SLIT3: variants seen among roughly 807,000 people sequenced by gnomAD.
The protein encoded by SLIT3 is slit homolog 3 protein.
A neutral mutation model predicts 184.0 loss-of-function variants in SLIT3; 68 were observed. The observed-to-expected ratio is 0.37, with a 90% confidence interval of 0.30 to 0.45. The LOEUF (loss-of-function observed/expected upper bound fraction) is 0.45. Among genes scored for constraint, SLIT3 ranks in the 20% least tolerant of loss-of-function variants. SLIT3 has a pLI of 1.00. For synonymous variants in SLIT3, 831 were observed against 828.6 expected, an observed-to-expected ratio of 1.00 and a Z score of -0.05; for missense variants, 1,707 against 2,026.0, an observed-to-expected ratio of 0.84 and a Z score of 3.02.
intron 3 of SLIT3, among the ~76,000 whole-genome samples, chr5:169,221,620 G>T (rs1764621450): frequency 6.6e-6 from 1 of 152,136 alleles, no homozygotes; most frequent in Non-Finnish European, 1.5e-5. Flanking sequence ...AAGGGTGGGT[G>T]GTCACTACCC....
At position 168,736,251 on chromosome 5, in the gene SLIT3, G is replaced by A. The variant is rs189780516; in HGVS notation, c.2271-11767C>T. ...TCGGCCTGTGCTCAGGCCACCCACA[G>A]CCCCTCCCATAGATGGCTGTCACTG... On this transcript the variant is annotated intron_variant, in intron 20 of 35. Transcript: ENST00000519560. Among the ~76,000 whole-genome samples, 68 of 152,332 alleles carry A rather than the reference G, an allele frequency of 4.5e-4. No individual in the cohort carries two copies. In the East Asian group the frequency reaches 0.013, roughly 29 times the overall value.
At position 168,740,691 on chromosome 5, in the gene SLIT3, CCTTCCTCGGTGCA is replaced by C. The variant is rs1763602267; in HGVS notation, c.2270+7598_2270+7610del. Reference sequence around the variant, plus strand: ...GGTTTGGGGAAAGAAGTGAGGGCTGCCTTCCTCGGTGCACTTTGGAAGCCATGCCTGGCCAAGG... The same window carrying C: ...GGTTTGGGGAAAGAAGTGAGGGCTGCCTTTGGAAGCCATGCCTGGCCAAGG... On this transcript the variant is annotated intron_variant, in intron 20 of 35. Transcript: ENST00000519560. 2.6e-5 allele frequency among the ~76,000 whole-genome samples: 4 copies of C among 152,226 alleles called. No homozygotes were observed. In the South Asian group the frequency reaches 8.3e-4, roughly 32 times the overall value.
chr5:168,673,830 T>C (rs1761328357), intron 32 of SLIT3, among the ~76,000 whole-genome samples: 2 of 152,230 alleles, frequency 1.3e-5, no homozygotes, highest in African/African-American at 4.8e-5. Flanking sequence ...GGTATTGCAT[T>C]TGGCTATCAT....
rs953727586 is a variant in SLIT3, at chr5:168,665,383, T to C, written c.*1071A>G. The C allele has an allele frequency of 2.0e-5, 3 of 152,254 alleles. No homozygotes were observed. Among genetic ancestry groups the C allele is most frequent in the Non-Finnish European group, 2.9e-5 (2 of 68,062 alleles). The allele number at this position is 152,254 out of a possible 1,614,324, so 9.4% of individuals were successfully genotyped here. On this transcript the variant is annotated 3_prime_UTR_variant, in exon 36 of 36. Coordinates refer to ENST00000519560, the MANE Select transcript of SLIT3 (RefSeq NM_003062.4). ...CAAGAACCTTCCAGAGTTGGACATC[T>C]AGCGCTGTGGGCAGACTTGACTTGG...
chr5:169,095,791 C>T (rs750779550), intron 4 of SLIT3, among the ~76,000 whole-genome samples: 2 of 152,310 alleles, frequency 1.3e-5, no homozygotes, highest in Admixed American at 6.5e-5. Context: ...GGTTCCTTGA[C>T]ATCTCGTTCC....
intron 4 of SLIT3, among the ~76,000 whole-genome samples, chr5:168,952,528 C>CAAAAAAAAAAAAAAA (rs372134778): frequency 2.7e-4 from 21 of 77,928 alleles, no homozygotes; most frequent in African/African-American, 1.2e-3. Context: ...GGGAAAATGC[C>CAAAAAAAAAAAAAAA]AAAAAAAAAA....
chr5:168,844,875 C>T (rs1365798744), intron 5 of SLIT3: 6 of 436,900 alleles, frequency 1.4e-5, no homozygotes, highest in African/African-American at 2.1e-5. Flanking sequence ...GCTGTCAGGT[C>T]TCAGTAAATA....
intron 4 of SLIT3, among the ~76,000 whole-genome samples, chr5:168,885,301 G>A (rs953326035): frequency 2.6e-5 from 4 of 152,144 alleles, no homozygotes; most frequent in African/African-American, 7.2e-5. Flanking sequence ...GTCTGCAACC[G>A]ATGTAAGTAA....
At position 169,251,236 on chromosome 5, in the gene SLIT3, T is replaced by A. The variant is rs542942877; in HGVS notation, c.269+152A>T. 3 of 637,538 alleles carry A rather than the reference T, an allele frequency of 4.7e-6. No homozygotes were observed. The East Asian group carries it at 8.0e-5, about 17-fold the overall frequency. 39.5% of individuals were successfully genotyped at this position (637,538 alleles called of 1,614,324 possible). On this transcript the variant is annotated intron_variant, in intron 2 of 35. Transcript: ENST00000519560. Reference sequence around the variant, plus strand: ...ACACAGAATGTGATACCTGTAAGCATGTGGGTACGCTAACGAGGGGCTTTC... The same window carrying A: ...ACACAGAATGTGATACCTGTAAGCAAGTGGGTACGCTAACGAGGGGCTTTC...
intron 1 of SLIT3, among the ~76,000 whole-genome samples, chr5:169,296,917 T>C (rs987715700): frequency 1.3e-5 from 2 of 152,232 alleles, no homozygotes; most frequent in African/African-American, 2.4e-5. Context: ...AGTGGGCCTC[T>C]GCCTGCCTCT....
intron 4 of SLIT3, among the ~76,000 whole-genome samples, chr5:169,055,847 GA>G (rs936952783): frequency 3.6e-4 from 54 of 148,042 alleles, no homozygotes; most frequent in African/African-American, 1.3e-3. Flanking sequence ...AAAAAAAAAA[GA>G]AAAAAGAAAA....
intron 1 of SLIT3, among the ~76,000 whole-genome samples, chr5:169,262,599 C>A (rs1302920732): frequency 6.6e-6 from 1 of 152,142 alleles, no homozygotes; most frequent in Non-Finnish European, 1.5e-5. Context: ...AGCAAGGAAA[C>A]CACCAATTTA....
intron 20 of SLIT3, among the ~76,000 whole-genome samples, chr5:168,728,991 A>G (rs1341042494): frequency 6.6e-6 from 1 of 151,982 alleles, no homozygotes; most frequent in East Asian, 1.9e-4. Context: ...TGAAGGAAAT[A>G]CAAAATACAT....
chr5:168,931,316 A>C (rs1761980914), intron 4 of SLIT3, among the ~76,000 whole-genome samples: 1 of 152,240 alleles, frequency 6.6e-6, no homozygotes. Flanking sequence ...AACAAAACCA[A>C]AATCTGCAAG....
At chr5:169,014,994 T>G (rs1390896091) in intron 4 of SLIT3, among the ~76,000 whole-genome samples, 1 of 152,116 alleles carries the variant, frequency 6.6e-6, no homozygotes, top group East Asian at 1.9e-4. Flanking sequence ...GTGGCAATAA[T>G]GACCTTGTAG....
At chr5:169,116,013 A>T (rs1463103392) in intron 4 of SLIT3, among the ~76,000 whole-genome samples, 2 of 152,182 alleles carry the variant, frequency 1.3e-5, no homozygotes, top group Admixed American at 6.5e-5. Flanking sequence ...ACCAGTGACA[A>T]GTTCCCAGCT....
intron 3 of SLIT3, 143 bp from the exon 4 acceptor site, chr5:169,193,693 A>T: frequency 1.4e-6 from 1 of 720,234 alleles, no homozygotes. Flanking sequence ...TGCTCAACAC[A>T]TGTAAGGTAT....
chr5:168,954,517 T>TG (rs2113256177), intron 4 of SLIT3, among the ~76,000 whole-genome samples: 1 of 152,310 alleles, frequency 6.6e-6, no homozygotes, highest in South Asian at 2.1e-4. Context: ...GGTTAGCTCC[T>TG]GCAAAGCAGG....
intron 3 of SLIT3, among the ~76,000 whole-genome samples, chr5:169,219,459 A>G (rs1764551746): frequency 6.6e-6 from 1 of 152,258 alleles, no homozygotes; most frequent in Admixed American, 6.5e-5. Flanking sequence ...ACTACTGGTA[A>G]GTGGCTGAAA....
Sources: gnomAD v4.1 joint callset for allele counts (sites outside exome capture counted in the v4.1 genomes callset) on GRCh38, gnomAD v4.1.1 for gene constraint, MANE v1.5 for transcripts, NCBI Gene and HGNC (gene_info 2026-07-23, HGNC 2026-07-21) for gene names.